Variants in BLTP3A observed in about 807,000 individuals in gnomAD.
BLTP3A encodes ICBP90 binding protein 1.
chr6:34,830,102 C>T, the BLTP3A span, among the ~76,000 whole-genome samples: 319 of 151,984 alleles, frequency 2.1e-3, 2 homozygotes, highest in African/African-American at 7.1e-3. Context: ...TGTGAGCTAC[C>T]GCGCCTGGCC....
chr6:34,867,904 A>G, the BLTP3A span, among the ~76,000 whole-genome samples: 1 of 152,234 alleles, frequency 6.6e-6, no homozygotes, highest in South Asian at 2.1e-4. Context: ...GTCTCTTAAC[A>G]TAAAACTATC....
chr6:34,817,921 T>C, the BLTP3A span, among the ~76,000 whole-genome samples: 6 of 151,686 alleles, frequency 4.0e-5, no homozygotes, highest in Non-Finnish European at 8.8e-5. Flanking sequence ...TGGCGCTATC[T>C]GGGCTCACTG....
At chr6:34,876,081 T>G in the BLTP3A span, 1 of 152,638 alleles carries the variant, frequency 6.6e-6, no homozygotes, top group African/African-American at 2.4e-5. Flanking sequence ...GGGATATGCT[T>G]TAGTGTGTAT....
At chr6:34,859,037 A>T in the BLTP3A span, 1 of 1,613,830 alleles carries the variant, frequency 6.2e-7, no homozygotes, top group Non-Finnish European at 8.5e-7. Flanking sequence ...GTCGATGCTG[A>T]CTCTGCAGGC....
chr6:34,847,630 G>A, the BLTP3A span, among the ~76,000 whole-genome samples: 3 of 151,540 alleles, frequency 2.0e-5, no homozygotes, highest in Non-Finnish European at 4.4e-5. Context: ...CTGCAGTATT[G>A]GTTATAGTGT....
At chr6:34,794,951 A>AT in the BLTP3A span, among the ~76,000 whole-genome samples, 14 of 148,202 alleles carry the variant, frequency 9.4e-5, no homozygotes, top group Middle Eastern at 3.5e-3. Flanking sequence ...CGCCCAGCTA[A>AT]TTTTTTTTTT....
the BLTP3A span, among the ~76,000 whole-genome samples, chr6:34,793,289 T>C: frequency 6.6e-6 from 1 of 152,182 alleles, no homozygotes; most frequent in Admixed American, 6.5e-5. Flanking sequence ...CCTTATTCCA[T>C]GCTGGAGTTG....
chr6:34,792,158 G>T, the BLTP3A span: 4 of 1,249,150 alleles, frequency 3.2e-6, no homozygotes, highest in Non-Finnish European at 4.2e-6. Flanking sequence ...CGGTGCTCAC[G>T]CCGCGGCGAG....
At chr6:34,847,872 A>T in the BLTP3A span, among the ~76,000 whole-genome samples, 1 of 130,734 alleles carries the variant, frequency 7.6e-6, no homozygotes, top group Non-Finnish European at 1.6e-5. Flanking sequence ...GTTCTTTAAG[A>T]TGTACCATGA....
At chr6:34,873,098 C>G in the BLTP3A span, 2 of 152,350 alleles carry the variant, frequency 1.3e-5, no homozygotes, top group South Asian at 4.1e-4. Context: ...ATACTTTCAT[C>G]ATTGTGATGC....
chr6:34,859,019 C>T, the BLTP3A span: 2 of 1,614,154 alleles, frequency 1.2e-6, no homozygotes. Flanking sequence ...CATCCTGCAC[C>T]CGGTGCTGTC....
the BLTP3A span, among the ~76,000 whole-genome samples, chr6:34,866,241 TAA>T: frequency 1.3e-5 from 2 of 152,096 alleles, no homozygotes; most frequent in African/African-American, 4.8e-5. Flanking sequence ...CTGTCTCTAC[TAA>T]AAATACAAAA....
chr6:34,876,265 A>G, the BLTP3A span: 1 of 152,406 alleles, frequency 6.6e-6, no homozygotes, highest in Non-Finnish European at 1.5e-5. Context: ...TCATTTTGCC[A>G]TGGGCCTCAA....
chr6:34,841,546 A>G, the BLTP3A span, among the ~76,000 whole-genome samples: 7 of 152,360 alleles, frequency 4.6e-5, no homozygotes, highest in African/African-American at 1.7e-4. Flanking sequence ...ATTGCTCAGT[A>G]TAGTCTATAA....
chr6:34,833,180 G>GC, the BLTP3A span, among the ~76,000 whole-genome samples: 1 of 152,098 alleles, frequency 6.6e-6, no homozygotes, highest in Non-Finnish European at 1.5e-5. Flanking sequence ...ATTGCAGGGT[G>GC]CCACCCACAT....
chr6:34,808,768 C>T, the BLTP3A span, among the ~76,000 whole-genome samples: 109 of 152,036 alleles, frequency 7.2e-4, 1 homozygote, highest in South Asian at 1.5e-3. Context: ...TTTGTAGAGA[C>T]AGGGTTTCAT....
At chr6:34,805,735 C>CAAAAA in the BLTP3A span, among the ~76,000 whole-genome samples, 8 of 73,726 alleles carry the variant, frequency 1.1e-4, no homozygotes, top group Non-Finnish European at 1.6e-4. Context: ...GACCCTATCT[C>CAAAAA]AAAAAAAAAA....
the BLTP3A span, among the ~76,000 whole-genome samples, chr6:34,831,425 GC>G: frequency 1.3e-5 from 2 of 152,098 alleles, 1 homozygote. Context: ...ACTGCGCCTG[GC>G]CCACCCTTAA....
chr6:34,821,583 T>C, the BLTP3A span: 1 of 1,401,616 alleles, frequency 7.1e-7, no homozygotes, highest in African/African-American at 1.4e-5. Flanking sequence ...GATTCAGAAG[T>C]GTTTTGGCTG....
Sources: allele counts gnomAD v4.1 joint callset (sites outside exome capture counted in the v4.1 genomes callset), GRCh38; gene constraint gnomAD v4.1.1; transcripts MANE v1.5; gene names NCBI Gene and HGNC (gene_info 2026-07-23, HGNC 2026-07-21).